The following ESRRB variants were observed in gnomAD, a reference collection of about 807,000 sequenced individuals.
The protein encoded by ESRRB is estrogen related receptor beta.
ESRRB carries 16 observed loss-of-function variants against 46.0 expected under a neutral mutation model. The ratio of observed to expected loss-of-function variants is 0.35; its 90% CI spans 0.24 to 0.53. The LOEUF is 0.53. Among genes scored for constraint, ESRRB ranks in the 20% least tolerant of loss-of-function variants. The pLI, the probability that ESRRB is intolerant of heterozygous loss-of-function variation, is 0.93. For missense variants in ESRRB, 488 were observed against 607.4 expected (o/e 0.80, Z 2.07); for synonymous variants, 246 against 259.6 (o/e 0.95, Z 0.50).
rs1343914139 is a variant in ESRRB at position 76,500,556 on chromosome 14, A to T, written c.*2098A>T. The T allele has an allele frequency of 2.4e-6, 2 of 818,932 alleles. No individual in the cohort carries two copies. The highest frequency in any genetic ancestry group is 2.4e-5 in the East Asian group (1 of 41,040). The allele number at this position is 818,932 out of a possible 1,614,324, so 50.7% of individuals were successfully genotyped here. ...GAGACCTTGGGGTGTGTGCTTTGGG[A>T]CTCCCTCAGTCTCTCACTGTGCTGT... On this transcript the variant is annotated 3_prime_UTR_variant, in exon 7 of 7. Transcript: ENST00000644823.
chr14:76,364,445 T>C (rs1378075981), intron 1 of ESRRB, among the ~76,000 whole-genome samples: 1 of 151,984 alleles, frequency 6.6e-6, no homozygotes, highest in Non-Finnish European at 1.5e-5. Flanking sequence ...TCCCAGCACT[T>C]TGGGAGGCCG....
At chr14:76,405,593 T>C (rs948244230) in intron 1 of ESRRB, among the ~76,000 whole-genome samples, 1 of 151,590 alleles carries the variant, frequency 6.6e-6, no homozygotes, top group Non-Finnish European at 1.5e-5. Flanking sequence ...CTCAGGAAAA[T>C]GGACAAAGGA....
intron 1 of ESRRB, among the ~76,000 whole-genome samples, chr14:76,388,425 T>C (rs894381055): frequency 8.5e-5 from 13 of 152,138 alleles, no homozygotes; most frequent in African/African-American, 3.1e-4. Flanking sequence ...GACCTCGTGA[T>C]CCATCTGCCT....
intron 3 of ESRRB, among the ~76,000 whole-genome samples, chr14:76,466,238 C>T (rs936875847): frequency 6.6e-6 from 1 of 152,172 alleles, no homozygotes; most frequent in African/African-American, 2.4e-5. Flanking sequence ...TGGGTGCCTC[C>T]GCCCTCTCTG....
At chr14:76,363,162 G>A (rs1209614786) in intron 1 of ESRRB, among the ~76,000 whole-genome samples, 3 of 152,200 alleles carry the variant, frequency 2.0e-5, no homozygotes, top group African/African-American at 7.2e-5. Flanking sequence ...TGGAAGAAAC[G>A]AAAATAAAAC....
chr14:76,350,127 G>A (rs1179954036), intron 1 of ESRRB, among the ~76,000 whole-genome samples: 1 of 152,050 alleles, frequency 6.6e-6, no homozygotes, highest in Non-Finnish European at 1.5e-5. Flanking sequence ...CCTGGGGGAG[G>A]TTCCCATGAA....
chr14:76,438,479 T>C (rs1415125698), intron 1 of ESRRB, among the ~76,000 whole-genome samples: 1 of 152,118 alleles, frequency 6.6e-6, no homozygotes, highest in African/African-American at 2.4e-5. Context: ...CTGGTCAATA[T>C]GGTGAAATCC....
chr14:76,445,509 A>G (rs1888104772), intron 2 of ESRRB, among the ~76,000 whole-genome samples: 1 of 151,618 alleles, frequency 6.6e-6, no homozygotes, highest in Admixed American at 6.6e-5. Context: ...AAAGAAAAGA[A>G]AAGCTCTGAA....
intron 1 of ESRRB, among the ~76,000 whole-genome samples, chr14:76,423,410 C>T (rs1887058325): frequency 6.6e-6 from 1 of 152,148 alleles, no homozygotes; most frequent in Non-Finnish European, 1.5e-5. Flanking sequence ...TCCCAAATTG[C>T]TGAGATTACA....
chr14:76,475,380 AAAAG>A (rs985098891), intron 3 of ESRRB, among the ~76,000 whole-genome samples: 11 of 152,130 alleles, frequency 7.2e-5, no homozygotes, highest in African/African-American at 9.6e-5. Flanking sequence ...AAAAAAAAAA[AAAAG>A]AAAGAAAGAA....
At chr14:76,378,835 G>C (rs575933573) in intron 1 of ESRRB, among the ~76,000 whole-genome samples, 1 of 152,256 alleles carries the variant, frequency 6.6e-6, no homozygotes, top group African/African-American at 2.4e-5. Context: ...ACAGAGCAGG[G>C]GACTGGATTC....
chr14:76,419,019 T>C (rs1886828317), intron 1 of ESRRB, among the ~76,000 whole-genome samples: 1 of 135,772 alleles, frequency 7.4e-6, no homozygotes, highest in Admixed American at 7.3e-5. Flanking sequence ...GCCTGTAAAC[T>C]TTTTTTTTTT....
intron 2 of ESRRB, among the ~76,000 whole-genome samples, chr14:76,447,916 C>T (rs920968590): frequency 3.9e-5 from 6 of 152,190 alleles, no homozygotes; most frequent in African/African-American, 9.7e-5. Context: ...ACCATGTCTC[C>T]CTTCTTTCTT....
chr14:76,475,937 G>A (rs1269756350), intron 3 of ESRRB, among the ~76,000 whole-genome samples: 1 of 152,022 alleles, frequency 6.6e-6, no homozygotes, highest in East Asian at 1.9e-4. Context: ...GCCATGCATC[G>A]CTTACCCAGT....
intron 3 of ESRRB, among the ~76,000 whole-genome samples, chr14:76,469,889 A>C (rs1165119224): frequency 6.6e-6 from 1 of 151,048 alleles, no homozygotes; most frequent in East Asian, 1.9e-4. Flanking sequence ...TACACTTATA[A>C]TATAGTACAT....
intron 2 of ESRRB, among the ~76,000 whole-genome samples, chr14:76,452,792 G>A (rs1469206692): frequency 6.6e-6 from 1 of 152,190 alleles, no homozygotes; most frequent in East Asian, 1.9e-4. Context: ...TACCCAGAAG[G>A]AACAATTTCG....
chr14:76,314,296 A>G (rs984060445), intron 1 of ESRRB, among the ~76,000 whole-genome samples: 4 of 152,200 alleles, frequency 2.6e-5, no homozygotes, highest in Non-Finnish European at 4.4e-5. Context: ...TGATTTGCTC[A>G]GAAAAGAGTG....
At chr14:76,481,395 G>A (rs1889799253) in intron 3 of ESRRB, among the ~76,000 whole-genome samples, 1 of 152,224 alleles carries the variant, frequency 6.6e-6, no homozygotes, top group Non-Finnish European at 1.5e-5. Context: ...AGTAGCCACA[G>A]CTGCTTTTGA....
chr14:76,472,948 T>C (rs780864081), intron 3 of ESRRB, among the ~76,000 whole-genome samples: 4 of 152,224 alleles, frequency 2.6e-5, no homozygotes, highest in Non-Finnish European at 5.9e-5. Flanking sequence ...GGAAAAATAC[T>C]CATTCCTCGA....
Sources: gnomAD v4.1 joint callset for allele counts (sites outside exome capture counted in the v4.1 genomes callset) on GRCh38, gnomAD v4.1.1 for gene constraint, MANE v1.5 for transcripts, NCBI Gene and HGNC (gene_info 2026-07-23, HGNC 2026-07-21) for gene names.